PCNX2: variants seen among roughly 807,000 people sequenced by gnomAD.
PCNX2 encodes pecanex-like protein 2.
Under a neutral mutation model 223.8 loss-of-function variants are expected in PCNX2, and 168 were observed. The observed-to-expected ratio is 0.75, with a 90% CI of 0.66 to 0.85. The LOEUF is 0.85. Ranked by LOEUF, PCNX2 falls within the 40% of genes least tolerant of loss-of-function variation. PCNX2 has a pLI of 0.00. For missense variants in PCNX2, 2,507 were observed against 2,675.5 expected, an observed-to-expected ratio of 0.94 and a Z score of 1.39; for synonymous variants, 1,006 against 1,052.6, an observed-to-expected ratio of 0.96 and a Z score of 0.86.
chr1:233,250,831 C>A lies in PCNX2; in HGVS notation c.2130G>T (p.Gly710=). 1 of 1,580,882 alleles carries A rather than the reference C, an allele frequency of 6.3e-7. No homozygotes were observed. The change falls in exon 8 of 34, where the codon GGG becomes GGT. Residue 710 remains glycine (G), a splice_region_variant and synonymous_variant. Coordinates refer to ENST00000258229, the MANE Select transcript of PCNX2 (RefSeq NM_014801.4). ...ATTTTAAATAACAGGATCTAATTTC[C>A]CCTGTAAAATCAGAAAATTTCAGCA... ...DAMHVFIDEH[G]EIRSCYLKSG... is the part of the protein sequence containing the mutation.
At chr1:233,131,378 T>C (rs1676496548) in intron 21 of PCNX2, among the ~76,000 whole-genome samples, 1 of 152,138 alleles carries the variant, frequency 6.6e-6, no homozygotes, top group Non-Finnish European at 1.5e-5. Context: ...AAAGAGACTT[T>C]TTTTTTTGAA....
chr1:233,135,635 A>C (rs1676760312), intron 20 of PCNX2, among the ~76,000 whole-genome samples: 1 of 152,232 alleles, frequency 6.6e-6, no homozygotes, highest in South Asian at 2.1e-4. Context: ...TGCTAGAGTG[A>C]GCTCAGTGTA....
intron 28 of PCNX2, among the ~76,000 whole-genome samples, chr1:233,011,342 A>G (rs369134009): frequency 2.0e-5 from 3 of 152,200 alleles, no homozygotes; most frequent in Non-Finnish European, 4.4e-5. Flanking sequence ...CAAATTCAAC[A>G]TCCTTTCTTG....
intron 32 of PCNX2, among the ~76,000 whole-genome samples, chr1:232,989,844 A>G (rs1353756529): frequency 6.6e-6 from 1 of 152,278 alleles, no homozygotes; most frequent in African/African-American, 2.4e-5. Context: ...CTAGAGGCTG[A>G]GACCCATAGG....
Position 233,062,074 on chromosome 1 carries a change from T to C in PCNX2, c.4077-4784A>G, listed in dbSNP as rs1672427536. On this transcript the variant is annotated intron_variant, in intron 23 of 33. Coordinates refer to ENST00000258229, the MANE Select transcript of PCNX2 (RefSeq NM_014801.4). ...GCGCCTAGCCCCTTTCTTTGTATTTTACCCAGTTTTCTTTAGCTGCCCTCA... is the reference window on the plus strand; with the variant it reads ...GCGCCTAGCCCCTTTCTTTGTATTTCACCCAGTTTTCTTTAGCTGCCCTCA... Among the ~76,000 whole-genome samples, 4 of 152,250 alleles carry C rather than the reference T, an allele frequency of 2.6e-5. No individual in the cohort carries two copies. The South Asian group carries it at 8.3e-4, about 32-fold the overall frequency.
chr1:233,031,280 A>C (rs1304060615), intron 25 of PCNX2, among the ~76,000 whole-genome samples: 1 of 152,228 alleles, frequency 6.6e-6, no homozygotes, highest in Non-Finnish European at 1.5e-5. Flanking sequence ...CTTAATTAAA[A>C]CACAAAACAT....
intron 21 of PCNX2, among the ~76,000 whole-genome samples, chr1:233,124,414 T>C (rs1245953192): frequency 2.0e-5 from 3 of 152,100 alleles, no homozygotes; most frequent in African/African-American, 7.2e-5. Context: ...TGAGGGAAAG[T>C]GAGCTAAAAA....
At chr1:233,201,004 C>T (rs1390859636) in intron 13 of PCNX2, among the ~76,000 whole-genome samples, 66 of 120,320 alleles carry the variant, frequency 5.5e-4, no homozygotes, top group African/African-American at 1.8e-3. Context: ...CCAGCCTGGG[C>T]GACAGAGCAA....
At position 232,984,475 on chromosome 1, in the gene PCNX2, G is replaced by A. The variant is rs61741049; in HGVS notation, c.6243C>T (p.His2081=). 3,080 of 1,611,922 alleles carry A rather than the reference G, an allele frequency of 1.9e-3. 37 individuals are homozygous for A. The African/African-American group carries it at 0.033, about 17-fold the overall frequency. Residue 2081 remains histidine, a splice_region_variant and synonymous_variant, in exon 34 of 34, where the codon CAC becomes CAT. Coordinates refer to ENST00000258229, the MANE Select transcript of PCNX2 (RefSeq NM_014801.4). The stretch of plus-strand genomic sequence containing the variant: ...CAGGGGGCTCACATGGCTCGGAGAG[G>A]TGCTTCCAAAGAGAAGAGAGAAACA... ...SARAASQATR[H]LSEPCEPPDA... is the part of the protein sequence containing the mutation.
At chr1:233,168,122 A>G (rs1678910585) in intron 17 of PCNX2, among the ~76,000 whole-genome samples, 1 of 152,142 alleles carries the variant, frequency 6.6e-6, no homozygotes, top group African/African-American at 2.4e-5. Flanking sequence ...AATGAGTGTG[A>G]AAGGGAATAT....
chr1:233,138,647 A>G (rs1290402628), intron 20 of PCNX2, among the ~76,000 whole-genome samples: 1 of 152,192 alleles, frequency 6.6e-6, no homozygotes, highest in African/African-American at 2.4e-5. Flanking sequence ...CTGAAGTCCA[A>G]TCATCTGCTT....
intron 25 of PCNX2, among the ~76,000 whole-genome samples, chr1:233,029,665 TTA>T (rs1671199262): frequency 6.6e-6 from 1 of 152,240 alleles, no homozygotes; most frequent in Non-Finnish European, 1.5e-5. Flanking sequence ...AGATGTAGAA[TTA>T]TGAGTTGATA....
intron 17 of PCNX2, among the ~76,000 whole-genome samples, chr1:233,175,605 G>A (rs1679433634): frequency 1.3e-5 from 2 of 152,282 alleles, no homozygotes; most frequent in African/African-American, 4.8e-5. Context: ...TACAGAAAAT[G>A]CTGTAGGAAT....
At chr1:233,031,823 T>C (rs1260172567) in intron 25 of PCNX2, 1 of 984,068 alleles carries the variant, frequency 1.0e-6, no homozygotes, top group Non-Finnish European at 1.2e-6. Flanking sequence ...AAGGGTCTCT[T>C]AACTCATTCT....
upstream of PCNX2, chr1:233,295,816 G>T (rs1662064733): frequency 7.6e-6 from 2 of 263,570 alleles, no homozygotes; most frequent in Non-Finnish European, 1.4e-5. The surrounding 1 kb of genome is among the most constrained non-coding windows in gnomAD (Gnocchi z 4.1). Flanking sequence ...CTTAGCCTTC[G>T]CTGGGGGCCA....
chr1:233,237,028 G>A, intron 8 of PCNX2, 48 bp from the exon 9 acceptor site: 1 of 1,609,408 alleles, frequency 6.2e-7, no homozygotes, highest in Non-Finnish European at 8.5e-7. Context: ...AATACCAGAA[G>A]TCATCTATTT....
At chr1:233,095,636 C>T (rs1346367115) in intron 22 of PCNX2, 119 bp downstream of exon 22, 2 of 919,198 alleles carry the variant, frequency 2.2e-6, no homozygotes, top group Non-Finnish European at 3.5e-6. Context: ...CTTCATGTCC[C>T]CATTAAAATG....
At chr1:233,314,911 T>C in the PCNX2 span, among the ~76,000 whole-genome samples, 3 of 152,248 alleles carry the variant, frequency 2.0e-5, no homozygotes, top group Admixed American at 6.5e-5. Flanking sequence ...CAAATGACCC[T>C]GTGATTAAGT....
At position 232,998,421 on chromosome 1, in the gene PCNX2, T is replaced by C. The variant is rs763400902; in HGVS notation, c.5621A>G (p.Asn1874Ser). The C allele has an allele frequency of 1.2e-6, 2 of 1,612,166 alleles. No homozygotes were observed. The highest frequency in any genetic ancestry group is 4.5e-5 in the East Asian group (2 of 44,796). The change falls in exon 32 of 34, where the codon AAT becomes AGT. Residue 1874 changes from asparagine to serine, a missense_variant. By Grantham distance (46) the Asn-to-Ser change is conservative (BLOSUM62 1). Around this residue, in one of 3 missense-constraint regions of PCNX2, gnomAD observed 1,372 missense variants for 1,509.4 expected, o/e 0.91. Transcript: ENST00000258229. ...GTTGCCGCCACTGTGCTGGCGGGCA[T>C]TGCAATCCTTCCGCATCCTGTGGGA... is the stretch of plus-strand genomic sequence containing the variant. ...TKWVRMRKDC[N>S]ARQHSGGNIE...
Sources: gnomAD v4.1 joint callset for allele counts (sites outside exome capture counted in the v4.1 genomes callset) on GRCh38, gnomAD v4.1.1 for gene constraint, gnomAD v4.1.1 regional missense constraint, Gnocchi (gnomAD v3.1) non-coding constraint, MANE v1.5 for transcripts, NCBI Gene and HGNC (gene_info 2026-07-23, HGNC 2026-07-21) for gene names.